Variants in NAA25 observed in about 807,000 individuals in gnomAD.
The protein encoded by NAA25 is N-terminal acetyltransferase B complex subunit NAA25.
NAA25 carries 30 observed loss-of-function variants against 132.5 expected under a neutral mutation model. The observed-to-expected ratio is 0.23, with a 90% CI of 0.17 to 0.31. The LOEUF (loss-of-function observed/expected upper bound fraction) is 0.31. Ranked by LOEUF, NAA25 falls within the 10% of genes least tolerant of loss-of-function variation. NAA25 has a pLI of 1.00. For missense variants in NAA25, 771 were observed against 1,150.4 expected (o/e 0.67, Z 4.77); for synonymous variants, 359 against 401.9 (o/e 0.89, Z 1.28).
chr12:112,100,190 T>G (rs2079272410), intron 1 of NAA25, among the ~76,000 whole-genome samples: 1 of 152,082 alleles, frequency 6.6e-6, no homozygotes, highest in Non-Finnish European at 1.5e-5. Context: ...TATGACAGAG[T>G]CTTGCTCTGT....
At chr12:112,069,133 A>G (rs2078764550) in intron 10 of NAA25, 141 bp from the exon 11 acceptor site, 6 of 605,834 alleles carry the variant, frequency 9.9e-6, no homozygotes, top group Non-Finnish European at 1.8e-5. Context: ...GGTTATCTCA[A>G]CTACTTGTTC....
At position 112,049,589 on chromosome 12, in the gene NAA25, G is replaced by A. The variant is rs1342018866; in HGVS notation, c.1729-1146C>T. The A allele has an allele frequency of 3.0e-6, 3 of 985,668 alleles. No individual in the cohort carries two copies. The highest frequency in any genetic ancestry group is 1.7e-5 in the African/African-American group (1 of 57,228). 61.1% of individuals were successfully genotyped at this position (985,668 alleles called of 1,614,324 possible). On this transcript the variant is annotated intron_variant, in intron 15 of 23. Coordinates refer to ENST00000261745, the MANE Select transcript of NAA25 (RefSeq NM_024953.4). This position sits in a 1 kb window ranked among gnomAD's most constrained non-coding sequence, Gnocchi z 4.7. Reference sequence around the variant, plus strand: ...CTTTTAAACCCCCATGGGACACCTCGGCGAGCTGTTTGCCTGCAGTATCTG... The same window carrying A: ...CTTTTAAACCCCCATGGGACACCTCAGCGAGCTGTTTGCCTGCAGTATCTG...
At chr12:112,053,762 G>C in intron 14 of NAA25, 105 bp from the exon 15 acceptor site, 1 of 616,534 alleles carries the variant, frequency 1.6e-6, no homozygotes, top group Non-Finnish European at 2.8e-6. Context: ...AAATAGCTAG[G>C]CATAAGAAAA....
At position 112,029,385 on chromosome 12, in the gene NAA25, C is replaced by T; in HGVS notation, c.*146G>A. The T allele has an allele frequency of 7.7e-7, 1 of 1,292,002 alleles. No homozygotes were observed. Among genetic ancestry groups the T allele is most frequent in the Non-Finnish European group, 1.1e-6 (1 of 940,932 alleles). The allele number at this position is 1,292,002 out of a possible 1,614,324, so 80.0% of individuals were successfully genotyped here. The stretch of plus-strand genomic sequence containing the variant: ...TTTAATCAGTTGTATATATTTAACA[C>T]CTAAAAAAATTCACGATCAAAGTCC... On this transcript the variant is annotated 3_prime_UTR_variant, in exon 24 of 24. Transcript: ENST00000261745.
rs2078861574 is a variant in NAA25 at position 112,074,305 on chromosome 12, C to G, written c.866+370G>C. Reference sequence around the variant, plus strand: ...GCAGTGAGCCAAGATCGTGCCATTGCACTCCAGCCTGGGTGACAAGAGCCA... The same window carrying G: ...GCAGTGAGCCAAGATCGTGCCATTGGACTCCAGCCTGGGTGACAAGAGCCA... On this transcript the variant is annotated intron_variant, in intron 9 of 23. Coordinates refer to ENST00000261745, the MANE Select transcript of NAA25 (RefSeq NM_024953.4). Among the ~76,000 whole-genome samples, 3 of 138,248 alleles carry G rather than the reference C, an allele frequency of 2.2e-5. 1 individual carries two copies. In the South Asian group the frequency reaches 6.7e-4, roughly 31 times the overall value. 90.7% of individuals were successfully genotyped at this position (138,248 alleles called of 152,430 possible).
Position 112,060,361 on chromosome 12 carries a change from T to A in NAA25, c.1358-2A>T. 1 of 1,592,918 alleles carries A rather than the reference T, an allele frequency of 6.3e-7. No individual in the cohort carries two copies. The highest frequency in any genetic ancestry group is 8.6e-7 in the Non-Finnish European group (1 of 1,161,680). Reference sequence around the variant, plus strand: ...ATTCTGTTTTCAAACAGGTTTTCCCTATGGGGGAAAAAAATCATATCTATT... The same window carrying A: ...ATTCTGTTTTCAAACAGGTTTTCCCAATGGGGGAAAAAAATCATATCTATT... On this transcript the variant is annotated splice_acceptor_variant, in intron 12 of 23. Coordinates refer to ENST00000261745, the MANE Select transcript of NAA25 (RefSeq NM_024953.4). LOFTEE classifies it high-confidence loss of function.
Position 112,027,959 on chromosome 12 carries a change from C to T in NAA25, c.*1572G>A, listed in dbSNP as rs2078104690. On this transcript the variant is annotated 3_prime_UTR_variant, in exon 24 of 24. Transcript: ENST00000261745. ...TAAATTTTTGAAATTAGTTGATGGA[C>T]TAGGATTTCCAACAAGCCTTATTTT... The T allele has an allele frequency of 6.6e-6, 1 of 152,172 alleles. No homozygotes were observed. The highest frequency in any genetic ancestry group is 1.5e-5 in the Non-Finnish European group (1 of 68,040). 9.4% of individuals were successfully genotyped at this position (152,172 alleles called of 1,614,324 possible). A position where few individuals can be genotyped will look rare whatever the true frequency, so the allele number is the denominator to read the frequency against.
At chr12:112,095,623 A>C (rs541974986) in intron 1 of NAA25, among the ~76,000 whole-genome samples, 445 of 151,616 alleles carry the variant, frequency 2.9e-3, no homozygotes, top group Non-Finnish European at 4.2e-3. Context: ...AACAAACAAA[A>C]AAAAAAAAAC....
chr12:112,056,747 G>A (rs1268976560), intron 13 of NAA25, among the ~76,000 whole-genome samples: 2 of 152,132 alleles, frequency 1.3e-5, no homozygotes, highest in African/African-American at 4.8e-5. Flanking sequence ...ACTTCAAGAA[G>A]CCCTGCATCT....
chr12:112,040,443 G>C, intron 21 of NAA25, 38 bp downstream of exon 21: 2 of 1,273,182 alleles, frequency 1.6e-6, no homozygotes, highest in Non-Finnish European at 2.3e-6. Flanking sequence ...AGACCATTAA[G>C]AACAACAATG....
At chr12:112,034,811 CA>C (rs34408046) in intron 22 of NAA25, 414 of 67,466 alleles carry the variant, frequency 6.1e-3, no homozygotes, top group African/African-American at 9.2e-3. Context: ...GACTCTGTCT[CA>C]AAAAAAAAAA....
chr12:112,068,451 CAA>C (rs973069694), intron 11 of NAA25, among the ~76,000 whole-genome samples: 4 of 152,056 alleles, frequency 2.6e-5, no homozygotes, highest in Non-Finnish European at 5.9e-5. Flanking sequence ...GCAAAACTGG[CAA>C]AAACTGAGTA....
Position 112,074,696 on chromosome 12 carries a change from C to T in NAA25, c.845G>A (p.Ser282Asn). 6.2e-7 allele frequency: 1 copy of T among 1,610,920 alleles called. No homozygotes were observed. The highest frequency in any genetic ancestry group is 8.5e-7 in the Non-Finnish European group (1 of 1,178,568). ...TTACTGTTCACCTTCAGCAGGAGGACTCCAGGCCTCTTCAATCAGTCGAAA... is the reference window on the plus strand; with the variant it reads ...TTACTGTTCACCTTCAGCAGGAGGATTCCAGGCCTCTTCAATCAGTCGAAA... ...SVFRLIEEAW[S>N]PPAEGEHSLE... The change falls in exon 9 of 24, where the codon AGT becomes AAT. Residue 282 changes from serine to asparagine, a missense_variant. Transcript: ENST00000261745.
chr12:112,085,595 A>C (rs2136917252), intron 4 of NAA25, among the ~76,000 whole-genome samples: 1 of 152,256 alleles, frequency 6.6e-6, no homozygotes. Flanking sequence ...ATAGGGATGA[A>C]CTATAACTTC....
chr12:112,034,326 C>T (rs1237982398), intron 22 of NAA25: 2 of 151,808 alleles, frequency 1.3e-5, no homozygotes, highest in Non-Finnish European at 2.9e-5. Flanking sequence ...GGTAAAACCC[C>T]ATCTCTACTA....
intron 15 of NAA25, among the ~76,000 whole-genome samples, chr12:112,050,082 A>G (rs891539736): frequency 2.6e-5 from 4 of 151,640 alleles, no homozygotes; most frequent in African/African-American, 7.3e-5. Flanking sequence ...AGCTTTTCAA[A>G]GAGAAAAATA....
chr12:112,069,442 G>T (rs1044077019), intron 10 of NAA25, among the ~76,000 whole-genome samples: 2 of 152,182 alleles, frequency 1.3e-5, no homozygotes, highest in Admixed American at 1.3e-4. Flanking sequence ...GGTGGATGTT[G>T]CAGTGAGCCA....
intron 15 of NAA25, among the ~76,000 whole-genome samples, chr12:112,050,199 C>T (rs764616730): frequency 2.3e-4 from 35 of 152,310 alleles, no homozygotes; most frequent in Non-Finnish European, 4.6e-4. Context: ...TAAAGTACCA[C>T]TGCAGAGCTA....
chr12:112,097,245 G>A (rs1164203322), intron 1 of NAA25: 1 of 152,168 alleles, frequency 6.6e-6, no homozygotes, highest in Non-Finnish European at 1.5e-5. Flanking sequence ...GTTTACCAGT[G>A]GCAGCTCCAG....
Sources: gnomAD v4.1 joint callset for allele counts (sites outside exome capture counted in the v4.1 genomes callset) on GRCh38, gnomAD v4.1.1 for gene constraint, Gnocchi (gnomAD v3.1) non-coding constraint, MANE v1.5 for transcripts, NCBI Gene and HGNC (gene_info 2026-07-23, HGNC 2026-07-21) for gene names.